AGPAT3: variants seen among roughly 807,000 people sequenced by gnomAD.
AGPAT3 encodes 1-acyl-sn-glycerol-3-phosphate acyltransferase gamma.
In AGPAT3, 5 loss-of-function variants were observed where a neutral mutation model predicts 47.3. The observed-to-expected ratio is 0.11, with a 90% confidence interval of 0.06 to 0.22. AGPAT3 has a LOEUF of 0.22. Among genes scored for constraint, AGPAT3 ranks in the 10% least tolerant of loss-of-function variants. The pLI is 1.00. For synonymous variants in AGPAT3, 212 were observed against 208.3 expected (o/e 1.02, Z -0.15); for missense variants, 315 against 493.0 (o/e 0.64, Z 3.42).
chr21:43,899,421 G>A (rs925523079), intron 1 of AGPAT3, among the ~76,000 whole-genome samples: 1 of 152,210 alleles, frequency 6.6e-6, no homozygotes, highest in African/African-American at 2.4e-5. Context: ...ATCAAGAAAG[G>A]ACGACCACAG....
intron 2 of AGPAT3, among the ~76,000 whole-genome samples, chr21:43,914,163 C>T (rs1268661731): frequency 6.6e-6 from 1 of 152,112 alleles, no homozygotes; most frequent in African/African-American, 2.4e-5. Flanking sequence ...CAAGGCTATG[C>T]GCTCATGAAG....
At chr21:43,956,069 T>C (rs1332768261) in intron 2 of AGPAT3, among the ~76,000 whole-genome samples, 1 of 152,162 alleles carries the variant, frequency 6.6e-6, no homozygotes, top group East Asian at 1.9e-4. Context: ...GAGTGATGTG[T>C]GCCCCTGGGT....
At chr21:43,968,890 T>C (rs2089271674) in intron 4 of AGPAT3, among the ~76,000 whole-genome samples, 1 of 152,110 alleles carries the variant, frequency 6.6e-6, no homozygotes, top group Non-Finnish European at 1.5e-5. Flanking sequence ...CTCATCCACC[T>C]TCCCTGAGGG....
intron 3 of AGPAT3, among the ~76,000 whole-genome samples, chr21:43,962,039 T>A (rs186966736): frequency 6.6e-6 from 1 of 151,486 alleles, no homozygotes; most frequent in Non-Finnish European, 1.5e-5. Context: ...CTCGCTCTGT[T>A]GCCCAGGCTG....
At chr21:43,901,917 A>C (rs1050475993) in intron 1 of AGPAT3, among the ~76,000 whole-genome samples, 6 of 152,332 alleles carry the variant, frequency 3.9e-5, no homozygotes, top group Admixed American at 2.0e-4. Flanking sequence ...AAAGAAAGAC[A>C]AAAAAATGAA....
intron 8 of AGPAT3, 36 bp downstream of exon 8, chr21:43,978,157 T>C (rs757220851): frequency 6.3e-7 from 1 of 1,593,242 alleles, no homozygotes; most frequent in South Asian, 1.1e-5. Flanking sequence ...GGTCCCGGTC[T>C]CCTGAAGAGG....
At position 43,944,606 on chromosome 21, in the gene AGPAT3, G is replaced by T. The variant is rs946609757; in HGVS notation, c.-48-15028G>T. The stretch of plus-strand genomic sequence containing the variant: ...TTCCCCAGAAAAGCACAGAAAACCA[G>T]CCTTGTTCCTCAGACAGGAGATGCA... On this transcript the variant is annotated intron_variant, in intron 2 of 9. Transcript: ENST00000291572. Among the ~76,000 whole-genome samples the T allele has an allele frequency of 1.1e-4, 17 of 152,360 alleles. 1 individual carries two copies. Among genetic ancestry groups the T allele is most frequent in the African/African-American group, 3.4e-4 (14 of 41,580 alleles).
rs926427666 is a variant in AGPAT3 at position 43,922,589 on chromosome 21, C to A, written c.-49+18570C>A. Among the ~76,000 whole-genome samples, 4 of 152,212 alleles carry A rather than the reference C, an allele frequency of 2.6e-5. No individual in the cohort carries two copies. Among genetic ancestry groups the A allele is most frequent in the Admixed American group, 2.6e-4 (4 of 15,294 alleles). On this transcript the variant is annotated intron_variant, in intron 2 of 9. Transcript: ENST00000291572. The surrounding 1 kb of genome is among the most constrained non-coding windows in gnomAD (Gnocchi z 4.9). ...GGGCACAGAGACTCTGGGCCTGGGTCCCCCCCGGCACAGTCTGTGACCTGT... is the reference window on the plus strand; with the variant it reads ...GGGCACAGAGACTCTGGGCCTGGGTACCCCCCGGCACAGTCTGTGACCTGT...
chr21:43,914,524 T>G (rs1569061144), intron 2 of AGPAT3, among the ~76,000 whole-genome samples: 1 of 151,932 alleles, frequency 6.6e-6, no homozygotes, highest in African/African-American at 2.4e-5. Flanking sequence ...AGATTCCATG[T>G]AGAGGTTTTT....
intron 2 of AGPAT3, among the ~76,000 whole-genome samples, chr21:43,924,699 T>A (rs2086997758): frequency 6.6e-6 from 1 of 152,318 alleles, no homozygotes; most frequent in Non-Finnish European, 1.5e-5. Flanking sequence ...TTGCCCCGGC[T>A]GTTTCATCTG....
chr21:43,901,320 T>TAAA (rs34649071), intron 1 of AGPAT3, among the ~76,000 whole-genome samples: 2 of 129,042 alleles, frequency 1.5e-5, no homozygotes, highest in Non-Finnish European at 3.3e-5. Context: ...GAAACTCTGT[T>TAAA]AAAAAAAAAA....
chr21:43,904,065 A>AGTGTGTGTGTGT (rs10577584), intron 2 of AGPAT3, 46 bp downstream of exon 2: 13 of 147,668 alleles, frequency 8.8e-5, no homozygotes, highest in African/African-American at 3.3e-4. Flanking sequence ...CGTGTGTGAG[A>AGTGTGTGTGTGT]GTGTGTGTGT....
Position 43,985,512 on chromosome 21 carries a change from G to A in AGPAT3, c.*3120G>A, listed in dbSNP as rs983972819. 1.5e-4 allele frequency: 46 copies of A among 303,074 alleles called. No individual in the cohort carries two copies. Among genetic ancestry groups the A allele is most frequent in the Non-Finnish European group, 2.7e-4 (42 of 155,632 alleles). 18.8% of individuals were successfully genotyped at this position (303,074 alleles called of 1,614,324 possible). The stretch of plus-strand genomic sequence containing the variant: ...AATCTTTCCTCACGCTGTTCGTTGC[G>A]GTATTGCTGAGCATTGATGTTGATT... On this transcript the variant is annotated 3_prime_UTR_variant, in exon 10 of 10. Coordinates refer to ENST00000291572, the MANE Select transcript of AGPAT3 (RefSeq NM_020132.5).
At chr21:43,931,813 A>T (rs931650354) in intron 2 of AGPAT3, among the ~76,000 whole-genome samples, 3 of 152,140 alleles carry the variant, frequency 2.0e-5, no homozygotes, top group African/African-American at 7.2e-5. Flanking sequence ...CCATGATTCT[A>T]AACATTCTAG....
intron 3 of AGPAT3, 142 bp downstream of exon 3, chr21:43,960,001 C>T (rs888147140): frequency 1.1e-5 from 9 of 853,236 alleles, no homozygotes; most frequent in Middle Eastern, 3.5e-4. Context: ...GGCAGGCTGT[C>T]GGAAGGCACC....
At chr21:43,873,829 T>C (rs1468828620) in intron 1 of AGPAT3, among the ~76,000 whole-genome samples, 3 of 152,226 alleles carry the variant, frequency 2.0e-5, no homozygotes, top group African/African-American at 7.2e-5. Flanking sequence ...TTTTTATTAG[T>C]GTTCACAAAG....
At chr21:43,966,525 T>G (rs550248582) in intron 3 of AGPAT3, 18 of 152,376 alleles carry the variant, frequency 1.2e-4, no homozygotes, top group African/African-American at 4.3e-4. Context: ...CCACAAACCC[T>G]GAGTTCCCTC....
chr21:43,903,842 G>A (rs1355465532), intron 1 of AGPAT3, 115 bp from the exon 2 acceptor site: 1 of 152,308 alleles, frequency 6.6e-6, no homozygotes, highest in African/African-American at 2.4e-5. Context: ...ATGCGTGCTT[G>A]TCAGTCTCCC....
At chr21:43,947,635 G>A (rs2087960419) in intron 2 of AGPAT3, among the ~76,000 whole-genome samples, 1 of 152,086 alleles carries the variant, frequency 6.6e-6, no homozygotes, top group Non-Finnish European at 1.5e-5. Context: ...AACTGTAAAC[G>A]GAGGTGGCAT....
Sources: allele counts gnomAD v4.1 joint callset (sites outside exome capture counted in the v4.1 genomes callset), GRCh38; gene constraint gnomAD v4.1.1; non-coding constraint Gnocchi (gnomAD v3.1); transcripts MANE v1.5; gene names NCBI Gene and HGNC (gene_info 2026-07-23, HGNC 2026-07-21).